Variants in SMOC1 observed in about 807,000 individuals in gnomAD.
SMOC1 encodes the protein SPARC related modular calcium binding 1.
SMOC1 carries 22 observed loss-of-function variants against 56.3 expected under a neutral mutation model. That is an observed-to-expected ratio of 0.39 (90% CI 0.28 to 0.56). The LOEUF (loss-of-function observed/expected upper bound fraction) is 0.56, where lower values mean the gene tolerates loss of function less well. SMOC1 is among the 20% of genes least tolerant of loss of function. The pLI, the probability that SMOC1 is intolerant of heterozygous loss-of-function variation, is 0.61. For missense variants in SMOC1, 509 were observed against 565.4 expected, an observed-to-expected ratio of 0.90 and a Z score of 1.01; for synonymous variants, 193 against 215.0, an observed-to-expected ratio of 0.90 and a Z score of 0.89.
At chr14:69,948,707 C>T (rs1254036371) in intron 1 of SMOC1, among the ~76,000 whole-genome samples, 1 of 152,160 alleles carries the variant, frequency 6.6e-6, no homozygotes, top group Non-Finnish European at 1.5e-5. Flanking sequence ...ACCACGCCCC[C>T]CTTCAATTAA....
chr14:70,010,397 A>T (rs143910601), intron 7 of SMOC1, among the ~76,000 whole-genome samples: 1 of 152,328 alleles, frequency 6.6e-6, no homozygotes, highest in African/African-American at 2.4e-5. Context: ...CAGACAGAAC[A>T]TCAGCAGGAG....
Position 69,964,912 on chromosome 14 carries a change from T to G in SMOC1, c.379-10803T>G, listed in dbSNP as rs147918367. ...CCCAAGTACCCTGGCTCCAGAGTTC[T>G]TGATCCTAACCATGATTCCACACTG... On this transcript the variant is annotated intron_variant, in intron 3 of 11. Transcript: ENST00000361956. Among the ~76,000 whole-genome samples, 137 of 152,278 alleles carry G rather than the reference T, an allele frequency of 9.0e-4. 1 individual carries two copies. Among genetic ancestry groups the G allele is most frequent in the African/African-American group, 3.0e-3 (123 of 41,558 alleles).
chr14:69,992,321 T>C (rs1198893881), intron 5 of SMOC1, 96 bp from the exon 6 acceptor site: 21 of 1,249,426 alleles, frequency 1.7e-5, no homozygotes, highest in Non-Finnish European at 2.3e-5. Context: ...GGCCGGGCCT[T>C]GTACAAACCC....
chr14:70,012,024 C>T (rs1885358781), intron 9 of SMOC1, among the ~76,000 whole-genome samples: 1 of 152,238 alleles, frequency 6.6e-6, no homozygotes, highest in Non-Finnish European at 1.5e-5. Context: ...AGGCAGGGCC[C>T]TGGTACCTCC....
chr14:69,935,315 G>A (rs530258744), intron 1 of SMOC1, among the ~76,000 whole-genome samples: 113 of 152,276 alleles, frequency 7.4e-4, no homozygotes, highest in Non-Finnish European at 1.3e-3. Context: ...ATACCTTATC[G>A]AGGTAAAAAG....
At chr14:69,944,797 A>C (rs1882720906) in intron 1 of SMOC1, among the ~76,000 whole-genome samples, 2 of 152,214 alleles carry the variant, frequency 1.3e-5, no homozygotes, top group South Asian at 2.1e-4. Flanking sequence ...CTGGAGGCTA[A>C]GGCCAGGTTC....
At chr14:70,030,093 C>T in intron 11 of SMOC1, 149 bp from the exon 12 acceptor site, 1 of 1,180,678 alleles carries the variant, frequency 8.5e-7, no homozygotes, top group Non-Finnish European at 1.2e-6. Context: ...CCCACCTAGC[C>T]TCATAGAGGA....
At chr14:69,953,218 G>A (rs1015327707) in intron 2 of SMOC1, among the ~76,000 whole-genome samples, 3 of 152,112 alleles carry the variant, frequency 2.0e-5, no homozygotes, top group Admixed American at 1.3e-4. Flanking sequence ...GGATAAACAC[G>A]AATCCTCTGC....
chr14:69,946,583 G>A (rs1882792897), intron 1 of SMOC1, among the ~76,000 whole-genome samples: 1 of 152,220 alleles, frequency 6.6e-6, no homozygotes. Context: ...AGGAGGAAAT[G>A]TCTCAGTGTT....
At chr14:69,957,010 G>A (rs760791437) in intron 3 of SMOC1, among the ~76,000 whole-genome samples, 8 of 152,290 alleles carry the variant, frequency 5.3e-5, no homozygotes, top group Admixed American at 3.3e-4. Context: ...TCCTTGAGAC[G>A]TGGAATTTAG....
intron 7 of SMOC1, among the ~76,000 whole-genome samples, chr14:70,002,257 C>A (rs1207985847): frequency 6.6e-6 from 1 of 152,140 alleles, no homozygotes. Flanking sequence ...TCTTTTGCTG[C>A]CTATTCTGTG....
intron 7 of SMOC1, among the ~76,000 whole-genome samples, chr14:70,009,411 A>G (rs1440489242): frequency 2.0e-5 from 3 of 152,134 alleles, no homozygotes; most frequent in Admixed American, 6.5e-5. Flanking sequence ...TGCTTTACCT[A>G]TATGTGTGTC....
chr14:69,901,535 T>C (rs1884242110), intron 1 of SMOC1, among the ~76,000 whole-genome samples: 1 of 152,220 alleles, frequency 6.6e-6, no homozygotes, highest in Non-Finnish European at 1.5e-5. Flanking sequence ...ATAATGGGGC[T>C]GTGGAAAGTA....
chr14:69,986,758 C>T (rs1884380378), intron 5 of SMOC1, among the ~76,000 whole-genome samples: 1 of 152,194 alleles, frequency 6.6e-6, no homozygotes, highest in African/African-American at 2.4e-5. Flanking sequence ...TCTTCTTCAG[C>T]TCAAGGATGT....
intron 11 of SMOC1, among the ~76,000 whole-genome samples, chr14:70,026,458 C>T (rs1365632454): frequency 6.6e-6 from 1 of 152,206 alleles, no homozygotes; most frequent in Admixed American, 6.5e-5. Context: ...CCAGTCCCAG[C>T]TGACATACAG....
intron 3 of SMOC1, among the ~76,000 whole-genome samples, chr14:69,963,422 A>G (rs1883457469): frequency 6.6e-6 from 1 of 152,208 alleles, no homozygotes; most frequent in Non-Finnish European, 1.5e-5. Context: ...TCAGTCTCTG[A>G]CAGGCCAATA....
intron 1 of SMOC1, among the ~76,000 whole-genome samples, chr14:69,883,889 ATTTTTTTTT>A (rs34300667): frequency 1.8e-4 from 12 of 66,622 alleles, no homozygotes; most frequent in South Asian, 6.9e-4. Context: ...GATGTTGAGC[ATTTTTTTTT>A]TTTTTTTTTT....
chr14:69,916,218 C>G (rs1308046112), intron 1 of SMOC1, among the ~76,000 whole-genome samples: 1 of 152,098 alleles, frequency 6.6e-6, no homozygotes, highest in Non-Finnish European at 1.5e-5. Context: ...CATCCTTGAC[C>G]CTCCTCTTTC....
chr14:69,961,302 A>G lies in SMOC1; in HGVS notation c.378+7770A>G, dbSNP rs1331905586. ...TATATATATATATATATATATATAT[A>G]TATATATATATATATATCCTGTTTT... On this transcript the variant is annotated intron_variant, in intron 3 of 11. Transcript: ENST00000361956. 3.9e-5 allele frequency among the ~76,000 whole-genome samples: 4 copies of G among 103,240 alleles called. 1 individual carries two copies. The highest frequency in any genetic ancestry group is 3.0e-4 in the South Asian group (1 of 3,368). 67.7% of individuals were successfully genotyped at this position (103,240 alleles called of 152,430 possible). A position where few individuals can be genotyped will look rare whatever the true frequency, so the allele number is the denominator to read the frequency against.
Sources: allele counts gnomAD v4.1 joint callset (sites outside exome capture counted in the v4.1 genomes callset), GRCh38; gene constraint gnomAD v4.1.1; transcripts MANE v1.5; gene names NCBI Gene and HGNC (gene_info 2026-07-23, HGNC 2026-07-21).